KPTN: variants seen among roughly 807,000 people sequenced by gnomAD.
KPTN encodes the protein kaptin, actin binding protein, also known as KICSTOR complex protein kaptin.
In KPTN, 36 loss-of-function variants were observed where a neutral mutation model predicts 52.6. The observed-to-expected ratio is 0.68, with a 90% CI of 0.52 to 0.90. KPTN has a LOEUF of 0.90. KPTN is among the 40% of genes least tolerant of loss of function. KPTN has a pLI of 0.00. For missense variants in KPTN, 529 were observed against 576.2 expected (o/e 0.92, Z 0.84); for synonymous variants, 271 against 248.4 (o/e 1.09, Z -0.85).
rs1030277658 is a variant in KPTN at position 47,484,204 on chromosome 19, G to C, written c.-44C>G. ...CTCTCCGCAGCCCCCGCCCCAACCC[G>C]CACTACCCAACCTACGACTCTCTAA... On this transcript the variant is annotated 5_prime_UTR_variant, in exon 1 of 12. Transcript: ENST00000338134. 1 of 1,560,028 alleles carries C rather than the reference G, an allele frequency of 6.4e-7. No individual in the cohort carries two copies. The highest frequency in any genetic ancestry group is 1.4e-5 in the African/African-American group (1 of 73,748).
Position 47,483,385 on chromosome 19 carries a change from G to A in KPTN, c.310-6C>T, listed in dbSNP as rs1172328030. 19 of 1,613,274 alleles carry A rather than the reference G, an allele frequency of 1.2e-5. No individual in the cohort carries two copies. The highest frequency in any genetic ancestry group is 1.4e-5 in the Non-Finnish European group (16 of 1,179,524). On this transcript the variant is annotated splice_polypyrimidine_tract_variant and splice_region_variant and intron_variant, in intron 2 of 11. Transcript: ENST00000338134. ...CTGCCCTTGTCCCCTGAATCCTGGCGGAGGACACGGGGTTCAGGGGAGGGC... is the reference window on the plus strand; with the variant it reads ...CTGCCCTTGTCCCCTGAATCCTGGCAGAGGACACGGGGTTCAGGGGAGGGC...
intron 8 of KPTN, 140 bp downstream of exon 8, chr19:47,479,723 G>A (rs1387923281): frequency 1.1e-5 from 7 of 665,748 alleles, no homozygotes; most frequent in Non-Finnish European, 1.1e-5. Flanking sequence ...AAGGCCTGGA[G>A]TGGGGGATCC....
At position 47,476,594 on chromosome 19, in the gene KPTN, G is replaced by C; in HGVS notation, c.1120C>G (p.Leu374Val). 6.2e-7 allele frequency: 1 copy of C among 1,612,298 alleles called. No homozygotes were observed. The highest frequency in any genetic ancestry group is 8.5e-7 in the Non-Finnish European group (1 of 1,179,708). ...SPLLAMAHVD[L>V]TGDGLQELAV... ...AGCTCCTGCAGCCCATCCCCGGTCA[G>C]GTCCACGTGAGCCATGGCCAGCAGG... Residue 374 changes from leucine (L) to valine (V), a missense_variant, in exon 11 of 12, where the codon CTG becomes GTG. Physicochemically the swap from Leu to Val is conservative, Grantham distance 32 (BLOSUM62 1). Transcript: ENST00000338134.
chr19:47,477,596 C>T, intron 9 of KPTN, 110 bp downstream of exon 9: 3 of 797,962 alleles, frequency 3.8e-6, no homozygotes, highest in South Asian at 2.9e-5. Flanking sequence ...CTGTACTTGT[C>T]CAGCTCTGGG....
chr19:47,483,750 T>A (rs904522946), intron 1 of KPTN, 166 bp from the exon 2 acceptor site: 6 of 938,080 alleles, frequency 6.4e-6, no homozygotes, highest in Non-Finnish European at 9.5e-6. Context: ...CCTGTAAGTC[T>A]GAAGAATCCT....
At chr19:47,480,544 CCCAATT>C in intron 6 of KPTN, 137 bp from the exon 7 acceptor site, 4 of 742,332 alleles carry the variant, frequency 5.4e-6, no homozygotes, top group Non-Finnish European at 8.8e-6. Flanking sequence ...ATCCCCACCG[CCCAATT>C]CCTCTGAGGT....
chr19:47,483,685 C>G (rs760326728), intron 1 of KPTN, 101 bp from the exon 2 acceptor site: 7 of 976,448 alleles, frequency 7.2e-6, no homozygotes, highest in Non-Finnish European at 9.3e-6. Context: ...GCCCTCTGGT[C>G]TGAGTCCTGA....
At chr19:47,480,041 G>T (rs1967815368) in intron 7 of KPTN, 101 bp from the exon 8 acceptor site, 12 of 568,932 alleles carry the variant, frequency 2.1e-5, no homozygotes, top group Non-Finnish European at 2.8e-5. Context: ...CCCCACCCTA[G>T]CCCCGCCCCT....
chr19:47,479,720 G>A (rs1436055008), intron 8 of KPTN, 143 bp downstream of exon 8: 4 of 661,558 alleles, frequency 6.0e-6, no homozygotes, highest in South Asian at 3.5e-5. Flanking sequence ...CTCAAGGCCT[G>A]GAGTGGGGGA....
upstream of KPTN, chr19:47,484,301 TCC>T: frequency 1.8e-6 from 2 of 1,130,068 alleles, no homozygotes; most frequent in East Asian, 2.7e-5. Flanking sequence ...CGTTGCCCTC[TCC>T]CAAGATGGCG....
chr19:47,483,324 C>T lies in KPTN; in HGVS notation c.365G>A (p.Gly122Asp), dbSNP rs761235816. Residue 122 changes from glycine (G) to aspartate (D), a missense_variant, in exon 3 of 12, where the codon GGC becomes GAC. Physicochemically the swap from Gly to Asp is moderately conservative, Grantham distance 94. Coordinates refer to ENST00000338134, the MANE Select transcript of KPTN (RefSeq NM_007059.4). ...FLNIYCDYEP[G>D]SEYNLDSIAQ... is the part of the protein sequence containing the mutation. ...AATAGAGTCAAGGTTGTACTCAGAG[C>T]CGGGCTCGTAGTCGCAGTAAATGTT... 6.2e-7 allele frequency: 1 copy of T among 1,614,052 alleles called. No individual in the cohort carries two copies. The highest frequency in any genetic ancestry group is 1.1e-5 in the South Asian group (1 of 91,080).
At chr19:47,482,128 A>T (rs1311947947) in intron 4 of KPTN, among the ~76,000 whole-genome samples, 1 of 152,160 alleles carries the variant, frequency 6.6e-6, no homozygotes, top group Non-Finnish European at 1.5e-5. Flanking sequence ...CAACTCTCTC[A>T]GATTATCTAG....
At chr19:47,480,538 C>T (rs1328928178) in intron 6 of KPTN, 131 bp from the exon 7 acceptor site, 2 of 755,374 alleles carry the variant, frequency 2.6e-6, no homozygotes, top group African/African-American at 3.5e-5. Flanking sequence ...TGGATAATCC[C>T]CACCGCCCAA....
chr19:47,475,614 G>T (rs1599866816), intron 11 of KPTN, 70 bp from the exon 12 acceptor site: 2 of 1,574,230 alleles, frequency 1.3e-6, no homozygotes, highest in East Asian at 2.3e-5. Context: ...GGACCGTCTG[G>T]AGTGAAGCAA....
upstream of KPTN, chr19:47,484,271 T>C: frequency 7.5e-7 from 1 of 1,340,282 alleles, no homozygotes; most frequent in Middle Eastern, 2.7e-4. Context: ...CGCGGGCTGA[T>C]GACGTACGGA....
Position 47,484,168 on chromosome 19 carries a change from A to G in KPTN, c.-8T>C, listed in dbSNP as rs779677974. On this transcript the variant is annotated 5_prime_UTR_variant, in exon 1 of 12. Transcript: ENST00000338134. Reference sequence around the variant, plus strand: ...GGCCGCCTCCCCCATCATGCCCCTCAGTTAAGCACCCTCTCCGCAGCCCCC... The same window carrying G: ...GGCCGCCTCCCCCATCATGCCCCTCGGTTAAGCACCCTCTCCGCAGCCCCC... 6.9e-6 allele frequency: 11 copies of G among 1,589,826 alleles called. No individual in the cohort carries two copies. Among genetic ancestry groups the G allele is most frequent in the African/African-American group, 1.3e-5 (1 of 74,160 alleles).
chr19:47,476,080 G>A (rs1967654699), intron 11 of KPTN: 1 of 152,366 alleles, frequency 6.6e-6, no homozygotes, highest in East Asian at 2.0e-4. Flanking sequence ...GGCCGAGGTG[G>A]GCGGATGACT....
rs1456203305 is a variant in KPTN, at chr19:47,475,218, T to C, written c.*198A>G. 2 of 526,968 alleles carry C rather than the reference T, an allele frequency of 3.8e-6. No individual in the cohort carries two copies. The highest frequency in any genetic ancestry group is 3.8e-5 in the African/African-American group (2 of 52,210). 32.6% of individuals were successfully genotyped at this position (526,968 alleles called of 1,614,324 possible). A position where few individuals can be genotyped will look rare whatever the true frequency, so the allele number is the denominator to read the frequency against. ...CTCATCCAGAGTGGACAGGGTGGAA[T>C]GGGATCATCCCTGCTTTCAAATAGG... On this transcript the variant is annotated 3_prime_UTR_variant, in exon 12 of 12. Transcript: ENST00000338134.
At chr19:47,483,629 T>C (rs1421141766) in intron 1 of KPTN, 45 bp from the exon 2 acceptor site, 2 of 1,383,710 alleles carry the variant, frequency 1.4e-6, no homozygotes, top group South Asian at 2.6e-5. Context: ...AGACTCATGC[T>C]TCCAATCTCC....
Sources: allele counts gnomAD v4.1 joint callset (sites outside exome capture counted in the v4.1 genomes callset), GRCh38; gene constraint gnomAD v4.1.1; transcripts MANE v1.5; gene names NCBI Gene and HGNC (gene_info 2026-07-23, HGNC 2026-07-21).